Variants in GPRC6A observed in about 807,000 individuals in gnomAD.
GPRC6A encodes G protein-coupled receptor class C group 6 member A, also known as G protein-coupled receptor family C group 6 member A.
Under a neutral mutation model 47.0 loss-of-function variants are expected in GPRC6A, and 54 were observed. The ratio of observed to expected loss-of-function variants is 1.15; its 90% CI spans 0.92 to 1.44. The LOEUF (loss-of-function observed/expected upper bound fraction) is 1.44. Among genes scored for constraint, GPRC6A ranks in the 40% most tolerant of loss-of-function variants. The pLI, the probability that GPRC6A is intolerant of heterozygous loss-of-function variation, is 0.00. For synonymous variants in GPRC6A, 347 were observed against 377.1 expected (o/e 0.92, Z 0.93); for missense variants, 1,112 against 1,105.5 (o/e 1.01, Z -0.08).
intron 1 of GPRC6A, among the ~76,000 whole-genome samples, chr6:116,819,465 T>A (rs1773375166): frequency 6.6e-6 from 1 of 151,504 alleles, no homozygotes; most frequent in African/African-American, 2.4e-5. Context: ...GAAGTAAAGC[T>A]CTCCTCAGCA....
intron 4 of GPRC6A, among the ~76,000 whole-genome samples, chr6:116,800,258 C>CTTCT (rs1772618859): frequency 3.4e-5 from 3 of 89,398 alleles, no homozygotes; most frequent in South Asian, 8.3e-4. Flanking sequence ...CTCTCTCTTC[C>CTTCT]TTCCTTCCTC....
In GPRC6A at chr6:116,800,887, T is replaced by C. The variant is rs1772655140; in HGVS notation, c.1336-91A>G. 5.4e-6 allele frequency: 4 copies of C among 744,960 alleles called. No individual in the cohort carries two copies. In the South Asian group the frequency reaches 6.9e-5, roughly 13 times the overall value. The allele number at this position is 744,960 out of a possible 1,614,324, so 46.1% of individuals were successfully genotyped here. A position where few individuals can be genotyped will look rare whatever the true frequency, so the allele number is the denominator to read the frequency against. On this transcript the variant is annotated intron_variant, in intron 3 of 5. Transcript: ENST00000310357. ...TGATAACACTGCCTTATAAAGCATATCACTTAAAAATGAGGGAAAAAAGAT... is the reference window on the plus strand; with the variant it reads ...TGATAACACTGCCTTATAAAGCATACCACTTAAAAATGAGGGAAAAAAGAT...
At chr6:116,818,346 A>G (rs962486953) in intron 1 of GPRC6A, among the ~76,000 whole-genome samples, 3 of 150,466 alleles carry the variant, frequency 2.0e-5, no homozygotes, top group South Asian at 2.1e-4. Context: ...CATCCCGGCT[A>G]ACACGGTGAA....
In GPRC6A at chr6:116,800,427, A is replaced by T. The variant is rs192669270; in HGVS notation, c.1548+157T>A. On this transcript the variant is annotated intron_variant, in intron 4 of 5. Coordinates refer to ENST00000310357, the MANE Select transcript of GPRC6A (RefSeq NM_148963.4). Reference sequence around the variant, plus strand: ...TTTCTTTTTCTTTCCTCTTTTGCCAACTTCAGCTAAATAGGAGCTACACTG... The same window carrying T: ...TTTCTTTTTCTTTCCTCTTTTGCCATCTTCAGCTAAATAGGAGCTACACTG... Among the ~76,000 whole-genome samples, 11 of 144,414 alleles carry T rather than the reference A, an allele frequency of 7.6e-5. No individual in the cohort carries two copies. The East Asian group carries it at 2.2e-3, about 29-fold the overall frequency. 94.7% of individuals were successfully genotyped at this position (144,414 alleles called of 152,430 possible). A position where few individuals can be genotyped will look rare whatever the true frequency, so the allele number is the denominator to read the frequency against.
Position 116,806,627 on chromosome 6 carries a change from G to T in GPRC6A, c.1078C>A (p.His360Asn), listed in dbSNP as rs766893501. 2.5e-6 allele frequency: 4 copies of T among 1,613,114 alleles called. No homozygotes were observed. The Admixed American group carries it at 5.0e-5, about 20-fold the overall frequency. The change falls in exon 3 of 6, where the codon CAT (histidine) becomes AAT (asparagine). Residue 360 changes from histidine (H) to asparagine (N), a missense_variant. Physicochemically the swap from His to Asn is moderately conservative, Grantham distance 68. Coordinates refer to ENST00000310357, the MANE Select transcript of GPRC6A (RefSeq NM_148963.4). Reference sequence around the variant, plus strand: ...TTGACATATGCGCAGGCAGATAAATGCATGGCATATTCATGTAAGAGTTTG... The same window carrying T: ...TTGACATATGCGCAGGCAGATAAATTCATGGCATATTCATGTAAGAGTTTG... The part of the protein sequence containing the change: ...SHKLLHEYAM[H>N]LSACAYVKDT...
At chr6:116,827,837 A>C (rs1427412180) in intron 1 of GPRC6A, among the ~76,000 whole-genome samples, 2 of 152,074 alleles carry the variant, frequency 1.3e-5, no homozygotes, top group Non-Finnish European at 2.9e-5. Flanking sequence ...AATGCCAAGA[A>C]ATCTTAGTGT....
chr6:116,800,774 A>G lies in GPRC6A; in HGVS notation c.1358T>C (p.Val453Ala), dbSNP rs745591268. 1.9e-6 allele frequency: 3 copies of G among 1,607,566 alleles called. No homozygotes were observed. Among genetic ancestry groups the G allele is most frequent in the Non-Finnish European group, 2.6e-6 (3 of 1,175,356 alleles). The change falls in exon 4 of 6, where the codon GTG becomes GCG. Residue 453 changes from valine to alanine, a missense_variant. By Grantham distance (64) the Val-to-Ala change is moderately conservative. Transcript: ENST00000310357. ...TGAATTCCATCCATCAGTGAATGTC[A>G]CATTTTTTAGCACACCAAGTAACTA... ...PWELLGVLKNVTFTDGWNSFH... is the reference protein window; with the variant it reads ...PWELLGVLKNATFTDGWNSFH...
chr6:116,823,239 C>T (rs182988895), intron 1 of GPRC6A, among the ~76,000 whole-genome samples: 1 of 152,122 alleles, frequency 6.6e-6, no homozygotes, highest in Admixed American at 6.6e-5. Context: ...CTATTAAAAG[C>T]AGCCAGGCAA....
At chr6:116,800,138 G>A (rs1350989345) in intron 4 of GPRC6A, among the ~76,000 whole-genome samples, 2 of 152,032 alleles carry the variant, frequency 1.3e-5, no homozygotes, top group African/African-American at 4.8e-5. Flanking sequence ...CCCACTGGAG[G>A]CTAGAGATCA....
chr6:116,818,722 G>A (rs1773340879), intron 1 of GPRC6A, among the ~76,000 whole-genome samples: 1 of 151,364 alleles, frequency 6.6e-6, no homozygotes, highest in Non-Finnish European at 1.5e-5. Context: ...AAACATGGAA[G>A]GGAACAATGG....
At chr6:116,793,305 C>T in intron 5 of GPRC6A, 55 bp from the exon 6 acceptor site, 1 of 1,222,678 alleles carries the variant, frequency 8.2e-7, no homozygotes, top group Non-Finnish European at 1.1e-6. Flanking sequence ...AGGTGATAGT[C>T]CACAATACTA....
At chr6:116,800,954 A>G (rs895298589) in intron 3 of GPRC6A, among the ~76,000 whole-genome samples, 158 bp from the exon 4 acceptor site, 18 of 152,318 alleles carry the variant, frequency 1.2e-4, no homozygotes, top group Non-Finnish European at 2.2e-4. Context: ...TCTGGCAACA[A>G]TTTGAGAATG....
chr6:116,795,876 A>C (rs1772471502), intron 4 of GPRC6A, 41 bp from the exon 5 acceptor site: 3 of 1,350,674 alleles, frequency 2.2e-6, no homozygotes, highest in Non-Finnish European at 3.1e-6. Flanking sequence ...GTAAATTTGT[A>C]AAAAAAATTA....
intron 4 of GPRC6A, among the ~76,000 whole-genome samples, chr6:116,800,205 TCTC>T (rs1317672268): frequency 3.3e-5 from 4 of 120,930 alleles, no homozygotes; most frequent in Non-Finnish European, 6.7e-5. Flanking sequence ...CCTCCCTCTC[TCTC>T]TTTTCTTTTC....
chr6:116,816,818 G>A (rs1283847045), intron 1 of GPRC6A, among the ~76,000 whole-genome samples: 4 of 152,048 alleles, frequency 2.6e-5, no homozygotes, highest in Non-Finnish European at 4.4e-5. Flanking sequence ...CGAATACTGC[G>A]CTTTTCTGAC....
At chr6:116,796,263 CCTGT>C (rs1350589272) in intron 4 of GPRC6A, among the ~76,000 whole-genome samples, 11 of 151,232 alleles carry the variant, frequency 7.3e-5, no homozygotes, top group South Asian at 2.1e-4. Flanking sequence ...AGGAGCATGT[CCTGT>C]CTAACTCCAA....
At chr6:116,822,806 C>T (rs1773541204) in intron 1 of GPRC6A, among the ~76,000 whole-genome samples, 1 of 137,120 alleles carries the variant, frequency 7.3e-6, no homozygotes, top group Admixed American at 7.8e-5. Flanking sequence ...CACAGGTATA[C>T]AAATGTAACT....
chr6:116,815,781 G>T (rs551494086), intron 1 of GPRC6A, among the ~76,000 whole-genome samples: 2 of 152,176 alleles, frequency 1.3e-5, no homozygotes, highest in East Asian at 3.9e-4. Flanking sequence ...GATTAATGAA[G>T]AAATTAAGAT....
chr6:116,821,937 G>A (rs1467045594), intron 1 of GPRC6A, among the ~76,000 whole-genome samples: 2 of 149,006 alleles, frequency 1.3e-5, no homozygotes, highest in East Asian at 1.9e-4. Flanking sequence ...TACAAAATGG[G>A]AGAAAATTTT....
Sources: gnomAD v4.1 joint callset for allele counts (sites outside exome capture counted in the v4.1 genomes callset) on GRCh38, gnomAD v4.1.1 for gene constraint, MANE v1.5 for transcripts, NCBI Gene and HGNC (gene_info 2026-07-23, HGNC 2026-07-21) for gene names.